GFM2: variants seen among roughly 807,000 people sequenced by gnomAD.
GFM2 encodes GTP dependent ribosome recycling factor mitochondrial 2, also known as ribosome-releasing factor 2, mitochondrial.
A neutral mutation model predicts 95.4 loss-of-function variants in GFM2; 72 were observed. The observed-to-expected ratio is 0.76, with a 90% CI of 0.62 to 0.92. The LOEUF (loss-of-function observed/expected upper bound fraction) is 0.92, where lower values mean the gene tolerates loss of function less well. GFM2 is among the 40% of genes least tolerant of loss of function. The pLI is 0.00. For synonymous variants in GFM2, 276 were observed against 317.5 expected, an observed-to-expected ratio of 0.87 and a Z score of 1.39; for missense variants, 825 against 924.1, an observed-to-expected ratio of 0.89 and a Z score of 1.39.
In GFM2 at chr5:74,766,370, A is replaced by G. The variant is rs376307302; in HGVS notation, c.-25+568T>C. 3.3e-5 allele frequency among the ~76,000 whole-genome samples: 5 copies of G among 152,356 alleles called. No homozygotes were observed. In the East Asian group the frequency reaches 7.7e-4, roughly 23 times the overall value. The stretch of plus-strand genomic sequence containing the variant: ...CAAATACAAGCACTAAGAATTAATG[A>G]AAGTATTCTTTTGGTACAGTTCTTT... On this transcript the variant is annotated intron_variant, in intron 1 of 20. Coordinates refer to ENST00000296805, the MANE Select transcript of GFM2 (RefSeq NM_032380.5).
intron 5 of GFM2, among the ~76,000 whole-genome samples, chr5:74,756,978 T>C (rs1292430043): frequency 6.6e-6 from 1 of 152,064 alleles, no homozygotes. Flanking sequence ...TGTACACTAC[T>C]TGGGTAATGG....
intron 3 of GFM2, 68 bp downstream of exon 3, chr5:74,760,834 C>T: frequency 9.7e-7 from 1 of 1,028,292 alleles, no homozygotes. Context: ...GAGATTCTTG[C>T]AAACAAGAGA....
chr5:74,731,883 ATTTAC>A (rs1209613501), intron 16 of GFM2, among the ~76,000 whole-genome samples: 3 of 149,050 alleles, frequency 2.0e-5, no homozygotes, highest in East Asian at 3.9e-4. Flanking sequence ...GGACTTAATT[ATTTAC>A]TTGGTAGATT....
rs1742875951 is a variant in GFM2 at position 74,737,081 on chromosome 5, C to T, written c.1321-96G>A. 3.6e-6 allele frequency: 4 copies of T among 1,109,252 alleles called. No individual in the cohort carries two copies. The African/African-American group carries it at 6.3e-5, about 18-fold the overall frequency. The allele number at this position is 1,109,252 out of a possible 1,614,324, so 68.7% of individuals were successfully genotyped here. A position where few individuals can be genotyped will look rare whatever the true frequency, so the allele number is the denominator to read the frequency against. The stretch of plus-strand genomic sequence containing the variant: ...AATATAAGAAAACTTTTTTGTGGCC[C>T]TTTCTTTTCATCAGAACTTAAAAGA... On this transcript the variant is annotated intron_variant, in intron 14 of 20. Coordinates refer to ENST00000296805, the MANE Select transcript of GFM2 (RefSeq NM_032380.5).
intron 19 of GFM2, among the ~76,000 whole-genome samples, chr5:74,723,850 C>T (rs1015222308): frequency 1.3e-5 from 2 of 152,168 alleles, no homozygotes; most frequent in Admixed American, 1.3e-4. Flanking sequence ...CTGCTTCCTA[C>T]TACTTTCATG....
chr5:74,760,096 T>C (rs1242615182), intron 3 of GFM2, among the ~76,000 whole-genome samples: 1 of 152,218 alleles, frequency 6.6e-6, no homozygotes, highest in Non-Finnish European at 1.5e-5. Context: ...TTTGTAAATT[T>C]AATTAAAGCC....
rs531427429 is a variant in GFM2, at chr5:74,747,334, A to G, written c.608+358T>C. ...TGCAGGAAACAGTTCTCTATTCTCT[A>G]TCTTTAGCGATGATGGGAAGCGCCA... On this transcript the variant is annotated intron_variant, in intron 8 of 20. Coordinates refer to ENST00000296805, the MANE Select transcript of GFM2 (RefSeq NM_032380.5). Among the ~76,000 whole-genome samples the G allele has an allele frequency of 7.2e-5, 11 of 152,310 alleles. No homozygotes were observed. In the South Asian group the frequency reaches 2.1e-3, roughly 29 times the overall value.
intron 18 of GFM2, 58 bp from the exon 19 acceptor site, chr5:74,725,813 G>A (rs1052166118): frequency 4.4e-5 from 64 of 1,462,524 alleles, no homozygotes; most frequent in Non-Finnish European, 5.8e-5. Context: ...AGAAGTAACT[G>A]AGAAGTGCAA....
At chr5:74,722,586 T>G (rs1561232032) in intron 19 of GFM2, 25 bp from the exon 20 acceptor site, 2 of 1,570,464 alleles carry the variant, frequency 1.3e-6, no homozygotes, top group Admixed American at 3.9e-5. Flanking sequence ...GAATGTTAAC[T>G]TATCTTTCAT....
In GFM2 at chr5:74,746,870, G is replaced by A. The variant is rs536952001; in HGVS notation, c.609-705C>T. 2.6e-5 allele frequency among the ~76,000 whole-genome samples: 4 copies of A among 152,114 alleles called. No individual in the cohort carries two copies. In the South Asian group the frequency reaches 8.3e-4, roughly 32 times the overall value. Reference sequence around the variant, plus strand: ...GCTAGTACATTTTAAAGGTTGCTGGGCTATTAATAATCAAGACAAGGTTCT... The same window carrying A: ...GCTAGTACATTTTAAAGGTTGCTGGACTATTAATAATCAAGACAAGGTTCT... On this transcript the variant is annotated intron_variant, in intron 8 of 20. Transcript: ENST00000296805.
intron 15 of GFM2, 140 bp from the exon 16 acceptor site, chr5:74,733,238 C>G: frequency 1.7e-6 from 1 of 599,172 alleles, no homozygotes; most frequent in Non-Finnish European, 3.0e-6. Flanking sequence ...CGTCTGTAAT[C>G]CCAGCACTTT....
Position 74,748,110 on chromosome 5 carries a change from T to C in GFM2, c.520-330A>G, listed in dbSNP as rs547057517. Among the ~76,000 whole-genome samples, 4 of 152,292 alleles carry C rather than the reference T, an allele frequency of 2.6e-5. No individual in the cohort carries two copies. In the South Asian group the frequency reaches 8.3e-4, roughly 32 times the overall value. ...AACTGAGAATCAGGAGACCTACTTC[T>C]TGTTTGGCTTCACTTTTCCTAGTAA... On this transcript the variant is annotated intron_variant, in intron 7 of 20. Transcript: ENST00000296805.
intron 5 of GFM2, among the ~76,000 whole-genome samples, chr5:74,757,665 G>C (rs889982737): frequency 6.8e-6 from 1 of 147,094 alleles, no homozygotes; most frequent in Non-Finnish European, 1.5e-5. Flanking sequence ...AGAGTTCAAG[G>C]CTGCAGTGAG....
intron 1 of GFM2, among the ~76,000 whole-genome samples, chr5:74,764,592 A>G (rs1254297800): frequency 6.6e-6 from 1 of 152,152 alleles, no homozygotes; most frequent in African/African-American, 2.4e-5. Flanking sequence ...CAGGGAAACC[A>G]AAAGATTAGA....
intron 10 of GFM2, among the ~76,000 whole-genome samples, chr5:74,743,555 A>T (rs1013407037): frequency 2.0e-5 from 3 of 152,220 alleles, no homozygotes; most frequent in African/African-American, 7.2e-5. Context: ...TTTCTGTCAC[A>T]TACTATCACA....
At chr5:74,758,279 A>T (rs1281399384) in intron 5 of GFM2, among the ~76,000 whole-genome samples, 1 of 152,208 alleles carries the variant, frequency 6.6e-6, no homozygotes, top group Non-Finnish European at 1.5e-5. Context: ...TTGGTAAACT[A>T]AATCTGAATT....
intron 1 of GFM2, 36 bp from the exon 2 acceptor site, chr5:74,763,802 CTT>C: frequency 8.0e-7 from 1 of 1,257,412 alleles, no homozygotes; most frequent in Non-Finnish European, 1.2e-6. Flanking sequence ...AAAAACTAAA[CTT>C]ATGTATTACA....
At chr5:74,728,748 C>CT (rs57180600) in intron 17 of GFM2, among the ~76,000 whole-genome samples, 10,611 of 58,132 alleles carry the variant, frequency 0.18, 3,686 homozygotes, top group Non-Finnish European at 0.24. Flanking sequence ...GTGGGGGTTT[C>CT]TTTTTTTTTT....
At chr5:74,733,243 C>T (rs1742665572) in intron 15 of GFM2, 145 bp from the exon 16 acceptor site, 3 of 585,074 alleles carry the variant, frequency 5.1e-6, no homozygotes. Context: ...GTAATCCCAG[C>T]ACTTTGGGAA....
Sources: allele counts gnomAD v4.1 joint callset (sites outside exome capture counted in the v4.1 genomes callset), GRCh38; gene constraint gnomAD v4.1.1; transcripts MANE v1.5; gene names NCBI Gene and HGNC (gene_info 2026-07-23, HGNC 2026-07-21).